Variants in RGR observed in about 807,000 individuals in gnomAD.
The protein encoded by RGR is retinal G protein coupled receptor.
RGR carries 30 observed loss-of-function variants against 28.6 expected under a neutral mutation model. The observed-to-expected ratio is 1.05, with a 90% confidence interval of 0.78 to 1.42. The LOEUF (loss-of-function observed/expected upper bound fraction) is 1.42. Among genes scored for constraint, RGR ranks in the 40% most tolerant of loss-of-function variants. The pLI, the probability that RGR is intolerant of heterozygous loss-of-function variation, is 0.00. For synonymous variants in RGR, 180 were observed against 156.4 expected, an observed-to-expected ratio of 1.15 and a Z score of -1.13; for missense variants, 404 against 375.6, an observed-to-expected ratio of 1.08 and a Z score of -0.62.
chr10:84,253,779 C>T (rs1400413005), intron 4 of RGR, among the ~76,000 whole-genome samples: 1 of 152,180 alleles, frequency 6.6e-6, no homozygotes, highest in East Asian at 1.9e-4. Flanking sequence ...CCAGTCCTTC[C>T]AGCTGCCCCT....
intron 5 of RGR, among the ~76,000 whole-genome samples, chr10:84,256,240 TG>T (rs1251446586): frequency 5.3e-5 from 8 of 151,588 alleles, no homozygotes; most frequent in African/African-American, 1.9e-4. Context: ...GGCTAATTTT[TG>T]TATCTTTTGT....
chr10:84,253,365 T>C (rs545485821), intron 4 of RGR, among the ~76,000 whole-genome samples: 48 of 152,268 alleles, frequency 3.2e-4, no homozygotes, highest in African/African-American at 6.5e-4. Flanking sequence ...ACCTCATCAA[T>C]TTCTAGAGGG....
chr10:84,247,113 G>A (rs979083196), intron 1 of RGR, among the ~76,000 whole-genome samples: 4 of 152,210 alleles, frequency 2.6e-5, no homozygotes, highest in South Asian at 4.1e-4. Context: ...TGTTGCCAGA[G>A]TACGCCCCCT....
rs1384723762 is a variant in RGR at position 84,259,674 on chromosome 10, C to T, written c.*1035C>T. ...AAGCATTTTTTCATATGCTTCTTAG[C>T]CACGTGTATGTATTCTTTTTGAAAA... On this transcript the variant is annotated 3_prime_UTR_variant, in exon 7 of 7. Coordinates refer to ENST00000652092, the MANE Select transcript of RGR (RefSeq NM_001012720.2). 1 of 152,006 alleles carries T rather than the reference C, an allele frequency of 6.6e-6. No individual in the cohort carries two copies. The highest frequency in any genetic ancestry group is 1.5e-5 in the Non-Finnish European group (1 of 68,018). The allele number at this position is 152,006 out of a possible 1,614,324, so 9.4% of individuals were successfully genotyped here. A position where few individuals can be genotyped will look rare whatever the true frequency, so the allele number is the denominator to read the frequency against.
Position 84,258,615 on chromosome 10 carries a change from G to T in RGR, c.852G>T (p.Lys284Asn), listed in dbSNP as rs751518373. 25 of 1,614,104 alleles carry T rather than the reference G, an allele frequency of 1.5e-5. No homozygotes were observed. The highest frequency in any genetic ancestry group is 2.0e-5 in the Non-Finnish European group (24 of 1,180,050). ...TCTGGCAGTGCCTCTCACCGCAGAA[G>T]AGGGAGAAGGACCGAACCAAGTGAG... The part of the protein sequence containing the change: ...RGIWQCLSPQ[K>N]REKDRTK The change falls in exon 7 of 7, where the codon AAG becomes AAT. Residue 284 changes from lysine (K) to asparagine (N), a missense_variant. Physicochemically the swap from Lys to Asn is moderately conservative, Grantham distance 94. Transcript: ENST00000652092.
intron 3 of RGR, among the ~76,000 whole-genome samples, chr10:84,252,551 G>T (rs1468265294): frequency 6.6e-6 from 1 of 152,214 alleles, no homozygotes; most frequent in African/African-American, 2.4e-5. Flanking sequence ...GAATACTGGG[G>T]CTCAAAGAAG....
chr10:84,258,668 C>T lies in RGR; in HGVS notation c.*29C>T. On this transcript the variant is annotated 3_prime_UTR_variant, in exon 7 of 7. Coordinates refer to ENST00000652092, the MANE Select transcript of RGR (RefSeq NM_001012720.2). ...TGCCACCCTGGAGTGAGCCCCAGGC[C>T]AGGAGGCTGTTCCAGGAGTCCTGCC... 3 of 1,613,680 alleles carry T rather than the reference C, an allele frequency of 1.9e-6. No individual in the cohort carries two copies. Among genetic ancestry groups the T allele is most frequent in the Non-Finnish European group, 1.7e-6 (2 of 1,179,870 alleles).
chr10:84,254,284 C>A lies in RGR; in HGVS notation c.513-42C>A, dbSNP rs780613049. ...TGGGTCCTTGAGGGCAGCTGGCCAT[C>A]CCTGAGAGCTAACCCCAATCCTCCA... is the stretch of plus-strand genomic sequence containing the variant. On this transcript the variant is annotated intron_variant, in intron 4 of 6. Coordinates refer to ENST00000652092, the MANE Select transcript of RGR (RefSeq NM_001012720.2). The A allele has an allele frequency of 3.8e-6, 6 of 1,562,014 alleles. No individual in the cohort carries two copies. The East Asian group carries it at 1.3e-4, about 35-fold the overall frequency.
At chr10:84,251,239 A>T (rs574721923) in intron 3 of RGR, among the ~76,000 whole-genome samples, 22 of 152,304 alleles carry the variant, frequency 1.4e-4, no homozygotes, top group East Asian at 3.9e-4. Context: ...TGTCTCAAAA[A>T]TTTTTTTAAA....
intron 3 of RGR, among the ~76,000 whole-genome samples, chr10:84,251,479 G>C (rs1057308956): frequency 3.3e-5 from 5 of 152,084 alleles, no homozygotes; most frequent in African/African-American, 7.2e-5. Context: ...CTTGATTCTT[G>C]GTTTATAGAT....
chr10:84,252,870 C>T lies in RGR; in HGVS notation c.372C>T (p.Ala124=). 6.2e-7 allele frequency: 1 copy of T among 1,614,186 alleles called. No individual in the cohort carries two copies. The highest frequency in any genetic ancestry group is 1.7e-5 in the Admixed American group (1 of 60,030). Reference sequence around the variant, plus strand: ...TGTCCTGTGCAGGTAGCCAGCTGGCCTGGAACTCAGCCGTCTCTCTGGTGC... The same window carrying T: ...TGTCCTGTGCAGGTAGCCAGCTGGCTTGGAACTCAGCCGTCTCTCTGGTGC... ...YHHYCTRSQL[A]WNSAVSLVLF... is the part of the protein sequence containing the mutation. Residue 124 remains alanine, a synonymous_variant, in exon 4 of 7, where the codon GCC becomes GCT. Coordinates refer to ENST00000652092, the MANE Select transcript of RGR (RefSeq NM_001012720.2).
chr10:84,245,274 T>G, intron 1 of RGR, 105 bp downstream of exon 1: 2 of 1,133,528 alleles, frequency 1.8e-6, no homozygotes, highest in Non-Finnish European at 2.6e-6. Flanking sequence ...CAAACCCAGC[T>G]GGGTGTCCGG....
rs372677605 is a variant in RGR, at chr10:84,257,800, C to T, written c.631-93C>T. The T allele has an allele frequency of 7.6e-5, 78 of 1,027,380 alleles. No homozygotes were observed. In the Middle Eastern group the frequency reaches 1.7e-3, roughly 23 times the overall value. 63.6% of individuals were successfully genotyped at this position (1,027,380 alleles called of 1,614,324 possible). ...TCCTGAAGCCTGGTCCATGCTGCCCCGCCCTGCTGAGTGCTGACCTGGTTT... is the reference window on the plus strand; with the variant it reads ...TCCTGAAGCCTGGTCCATGCTGCCCTGCCCTGCTGAGTGCTGACCTGGTTT... On this transcript the variant is annotated intron_variant, in intron 5 of 6. Transcript: ENST00000652092.
At chr10:84,247,318 T>G (rs1842758533) in intron 1 of RGR, among the ~76,000 whole-genome samples, 1 of 152,142 alleles carries the variant, frequency 6.6e-6, no homozygotes, top group African/African-American at 2.4e-5. Flanking sequence ...TCTCTGAGCC[T>G]CAGTTTCCCA....
In RGR at chr10:84,259,499, T is replaced by TACA. The variant is rs1842928089; in HGVS notation, c.*860_*861insACA. The TACA allele has an allele frequency of 6.6e-6, 1 of 152,172 alleles. No individual in the cohort carries two copies. The highest frequency in any genetic ancestry group is 1.5e-5 in the Non-Finnish European group (1 of 68,026). 9.4% of individuals were successfully genotyped at this position (152,172 alleles called of 1,614,324 possible). On this transcript the variant is annotated 3_prime_UTR_variant, in exon 7 of 7. Coordinates refer to ENST00000652092, the MANE Select transcript of RGR (RefSeq NM_001012720.2). ...CCATAGGGGTTGTACTAATTTACAG[T>TACA]CCCACCAACAGTGTATAGGTGTTCC...
chr10:84,247,197 C>T (rs1462717576), intron 1 of RGR, among the ~76,000 whole-genome samples: 1 of 152,212 alleles, frequency 6.6e-6, no homozygotes, highest in Non-Finnish European at 1.5e-5. Flanking sequence ...TGGAGCCTCT[C>T]TGACTTTGCT....
intron 2 of RGR, 190 bp downstream of exon 2, chr10:84,247,937 G>C (rs1162817067): frequency 1.2e-6 from 1 of 862,094 alleles, no homozygotes; most frequent in African/African-American, 1.7e-5. Flanking sequence ...CTGGAAGACA[G>C]GGGTTGCTGA....
chr10:84,247,727 A>T lies in RGR; in HGVS notation c.216A>T (p.Ala72=). ...GGATCAGCCTGAATGCCCTCGTTGC[A>T]GCCACATCCAGCCTTCTCCGGTACC... ...DSGISLNALV[A]ATSSLLRRWP... is the part of the protein sequence containing the mutation. The change falls in exon 2 of 7, where the codon GCA becomes GCT. Residue 72 remains alanine (A), a synonymous_variant. Transcript: ENST00000652092. 6.2e-7 allele frequency: 1 copy of T among 1,614,186 alleles called. No homozygotes were observed. Among genetic ancestry groups the T allele is most frequent in the Non-Finnish European group, 8.5e-7 (1 of 1,180,040 alleles).
rs1564552896 is a variant in RGR at position 84,259,066 on chromosome 10, T to C, written c.*427T>C. On this transcript the variant is annotated 3_prime_UTR_variant, in exon 7 of 7. Coordinates refer to ENST00000652092, the MANE Select transcript of RGR (RefSeq NM_001012720.2). ...CTTCTGAGTCTCCAATGTCTATTAT[T>C]CCACACTCCATGTCCACGTGTACAC... 3.7e-6 allele frequency: 1 copy of C among 267,878 alleles called. No individual in the cohort carries two copies. The allele number at this position is 267,878 out of a possible 1,614,324, so 16.6% of individuals were successfully genotyped here. A position where few individuals can be genotyped will look rare whatever the true frequency, so the allele number is the denominator to read the frequency against.
Sources: gnomAD v4.1 joint callset for allele counts (sites outside exome capture counted in the v4.1 genomes callset) on GRCh38, gnomAD v4.1.1 for gene constraint, MANE v1.5 for transcripts, NCBI Gene and HGNC (gene_info 2026-07-23, HGNC 2026-07-21) for gene names.